The following UST variants were observed in gnomAD, a reference collection of about 807,000 sequenced individuals.
UST encodes the protein chondroitin sulfate 2-O-sulfotransferase.
A neutral mutation model predicts 45.6 loss-of-function variants in UST; 21 were observed. The observed-to-expected ratio is 0.46, with a 90% CI of 0.33 to 0.66. The LOEUF (loss-of-function observed/expected upper bound fraction) is 0.66. Among genes scored for constraint, UST ranks in the 30% least tolerant of loss-of-function variants. The pLI, the probability that UST is intolerant of heterozygous loss-of-function variation, is 0.02. For missense variants in UST, 463 were observed against 512.4 expected, an observed-to-expected ratio of 0.90 and a Z score of 0.93; for synonymous variants, 215 against 200.6, an observed-to-expected ratio of 1.07 and a Z score of -0.61.
chr6:148,981,030 G>A (rs1263495225), intron 5 of UST, among the ~76,000 whole-genome samples: 1 of 152,008 alleles, frequency 6.6e-6, no homozygotes, highest in Non-Finnish European at 1.5e-5. Context: ...TGGCCGGAAA[G>A]ACCACCTTTG....
At chr6:149,057,288 A>G (rs1206236406) in intron 7 of UST, among the ~76,000 whole-genome samples, 2 of 152,054 alleles carry the variant, frequency 1.3e-5, no homozygotes, top group Non-Finnish European at 2.9e-5. Context: ...ATACTCCCAT[A>G]TTAAGGGCAC....
chr6:148,974,722 G>A (rs1178995658), intron 5 of UST, among the ~76,000 whole-genome samples: 2 of 152,182 alleles, frequency 1.3e-5, no homozygotes, highest in Non-Finnish European at 2.9e-5. Context: ...TTAAAACACC[G>A]ATCTGCAAGA....
intron 7 of UST, among the ~76,000 whole-genome samples, chr6:149,071,567 A>G (rs1776818966): frequency 6.6e-6 from 1 of 152,154 alleles, no homozygotes; most frequent in Non-Finnish European, 1.5e-5. Context: ...TGGATTTGGC[A>G]ATTTTTTTTA....
chr6:148,796,037 G>A (rs9498159), intron 1 of UST, among the ~76,000 whole-genome samples: 13,791 of 152,214 alleles, frequency 0.091, 1,001 homozygotes, highest in East Asian at 0.4. Context: ...ATAGGACAGC[G>A]TGGTGGATAA....
rs1028768917 is a variant in UST at position 149,009,968 on chromosome 6, T to A, written c.682-9171T>A. 7.2e-5 allele frequency among the ~76,000 whole-genome samples: 11 copies of A among 151,880 alleles called. No individual in the cohort carries two copies. In the East Asian group the frequency reaches 1.5e-3, roughly 21 times the overall value. The stretch of plus-strand genomic sequence containing the variant: ...ACCATCTTAGATCCAATCATTTAAA[T>A]TTTTTTAAATTTATTTTCTTCCCAT... On this transcript the variant is annotated intron_variant, in intron 5 of 7. Transcript: ENST00000367463.
At chr6:148,808,500 G>C (rs1048982948) in intron 1 of UST, among the ~76,000 whole-genome samples, 2 of 152,000 alleles carry the variant, frequency 1.3e-5, no homozygotes, top group South Asian at 2.1e-4. Flanking sequence ...TGGGTGGGAG[G>C]CTTTCTTGCC....
At chr6:148,815,042 C>G (rs1202497502) in intron 1 of UST, among the ~76,000 whole-genome samples, 1 of 152,042 alleles carries the variant, frequency 6.6e-6, no homozygotes, top group Non-Finnish European at 1.5e-5. Flanking sequence ...ATTAAAGACA[C>G]TTATTAAAAA....
intron 7 of UST, among the ~76,000 whole-genome samples, chr6:149,022,874 T>C (rs1434112721): frequency 1.3e-5 from 2 of 152,188 alleles, no homozygotes; most frequent in Admixed American, 1.3e-4. Flanking sequence ...CCCATTTACC[T>C]GAGTGGGGTT....
At chr6:149,027,834 TCCC>T (rs1170636338) in intron 7 of UST, 1 of 111,166 alleles carries the variant, frequency 9.0e-6, no homozygotes, top group East Asian at 2.5e-4. Flanking sequence ...CACTGAGTTA[TCCC>T]CCCATCTTTT....
chr6:148,983,009 T>C (rs1008914901), intron 5 of UST, among the ~76,000 whole-genome samples: 20 of 152,358 alleles, frequency 1.3e-4, no homozygotes, highest in African/African-American at 4.8e-4. Flanking sequence ...AAGTCAGGTT[T>C]CTGCAGAGCA....
At chr6:148,953,791 A>G (rs1032341106) in intron 3 of UST, 81 bp from the exon 4 acceptor site, 1 of 717,272 alleles carries the variant, frequency 1.4e-6, no homozygotes. Context: ...AAAAAAAAAA[A>G]GAGTGGGATA....
intron 7 of UST, among the ~76,000 whole-genome samples, chr6:149,068,023 T>C (rs1776767118): frequency 6.6e-6 from 1 of 152,168 alleles, no homozygotes; most frequent in African/African-American, 2.4e-5. Flanking sequence ...CCAGAGATGA[T>C]CGTGCCCAAT....
intron 1 of UST, among the ~76,000 whole-genome samples, chr6:148,799,899 G>A (rs1777025468): frequency 6.6e-6 from 1 of 152,142 alleles, no homozygotes; most frequent in Admixed American, 6.5e-5. Flanking sequence ...GGAGGTATCA[G>A]AGGAACTCTC....
intron 1 of UST, among the ~76,000 whole-genome samples, chr6:148,868,783 G>A (rs1042819957): frequency 3.9e-5 from 6 of 152,166 alleles, no homozygotes; most frequent in Non-Finnish European, 7.3e-5. Flanking sequence ...CATTCTAAGA[G>A]CGTAACAAGG....
chr6:148,864,571 C>T lies in UST; in HGVS notation c.248-22415C>T, dbSNP rs1336311499. On this transcript the variant is annotated intron_variant, in intron 1 of 7. Coordinates refer to ENST00000367463, the MANE Select transcript of UST (RefSeq NM_005715.3). ...TTGGAAATGCAGAAATCACCCGTCT[C>T]TGTATTGCTCACTCTGGGAGCTGTA... is the stretch of plus-strand genomic sequence containing the variant. 2.0e-5 allele frequency among the ~76,000 whole-genome samples: 3 copies of T among 152,238 alleles called. 1 individual carries two copies. The highest frequency in any genetic ancestry group is 7.2e-5 in the African/African-American group (3 of 41,462).
At chr6:149,028,126 G>A (rs1776077139) in intron 7 of UST, among the ~76,000 whole-genome samples, 1 of 152,136 alleles carries the variant, frequency 6.6e-6, no homozygotes, top group African/African-American at 2.4e-5. Flanking sequence ...TTACTGGCGT[G>A]ATCCACCGCG....
At chr6:148,945,634 G>A (rs1056816716) in intron 3 of UST, among the ~76,000 whole-genome samples, 5 of 152,196 alleles carry the variant, frequency 3.3e-5, no homozygotes, top group Admixed American at 1.3e-4. Flanking sequence ...TAAATGTTGC[G>A]TGCCTTGTCC....
At chr6:148,925,762 A>G (rs1356720022) in intron 2 of UST, among the ~76,000 whole-genome samples, 1 of 152,264 alleles carries the variant, frequency 6.6e-6, no homozygotes, top group Admixed American at 6.5e-5. Context: ...ACTAGGTCAA[A>G]AGTTGTTTAT....
intron 2 of UST, among the ~76,000 whole-genome samples, chr6:148,899,408 C>G (rs1228772788): frequency 6.6e-6 from 1 of 152,122 alleles, no homozygotes; most frequent in Non-Finnish European, 1.5e-5. Flanking sequence ...CTACCTAATT[C>G]TTTTCTTATT....
Sources: gnomAD v4.1 joint callset for allele counts (sites outside exome capture counted in the v4.1 genomes callset) on GRCh38, gnomAD v4.1.1 for gene constraint, MANE v1.5 for transcripts, NCBI Gene and HGNC (gene_info 2026-07-23, HGNC 2026-07-21) for gene names.